CHLSN: variants seen among roughly 807,000 people sequenced by gnomAD.
CHLSN encodes cholesin.
chr7:986,798 G>T, the CHLSN span: 2 of 1,553,550 alleles, frequency 1.3e-6, no homozygotes, highest in Non-Finnish European at 1.7e-6. Context: ...GCAGGGACAG[G>T]TGTGTCGGGA....
chr7:1,070,848 A>G, the CHLSN span, among the ~76,000 whole-genome samples: 1 of 143,884 alleles, frequency 7.0e-6, no homozygotes, highest in East Asian at 2.0e-4. Context: ...CAACGCGTGC[A>G]CACGGACATG....
the CHLSN span, among the ~76,000 whole-genome samples, chr7:993,241 G>C: frequency 4.6e-4 from 70 of 152,328 alleles, no homozygotes; most frequent in East Asian, 0.012. Flanking sequence ...TGGAGAGAGC[G>C]CCCGTTCCCT....
At chr7:1,109,635 T>C in the CHLSN span, among the ~76,000 whole-genome samples, 1 of 152,178 alleles carries the variant, frequency 6.6e-6, no homozygotes, top group South Asian at 2.1e-4. Context: ...CACCTCTGCG[T>C]GGGCGACGGA....
chr7:1,093,326 T>A, the CHLSN span: 2 of 423,354 alleles, frequency 4.7e-6, no homozygotes, highest in African/African-American at 2.0e-5. Context: ...GGGTCTGAGC[T>A]GGACGTCGCG....
At chr7:988,607 C>T in the CHLSN span, 17 of 1,603,256 alleles carry the variant, frequency 1.1e-5, no homozygotes, top group African/African-American at 1.6e-4. Context: ...CTGGTGCAGC[C>T]CACTCTGTGC....
the CHLSN span, among the ~76,000 whole-genome samples, chr7:984,073 A>G: frequency 6.6e-6 from 1 of 152,186 alleles, no homozygotes; most frequent in African/African-American, 2.4e-5. Context: ...CACTCTGTGC[A>G]GACTCTGGCC....
At chr7:1,046,867 T>C in the CHLSN span, among the ~76,000 whole-genome samples, 1 of 152,202 alleles carries the variant, frequency 6.6e-6, no homozygotes, top group African/African-American at 2.4e-5. Context: ...AATAACCTGC[T>C]GGCTCCTCCC....
the CHLSN span, chr7:1,027,042 A>C: frequency 2.0e-5 from 3 of 152,226 alleles, no homozygotes; most frequent in Non-Finnish European, 4.4e-5. Flanking sequence ...AAGATGTTTG[A>C]GCAACGAGAA....
At chr7:1,053,325 C>T in the CHLSN span, among the ~76,000 whole-genome samples, 1 of 152,226 alleles carries the variant, frequency 6.6e-6, no homozygotes, top group Non-Finnish European at 1.5e-5. Context: ...GAGGGGCGTC[C>T]ACAGTAGAGC....
chr7:997,407 TCA>T, the CHLSN span: 1 of 512,956 alleles, frequency 1.9e-6, no homozygotes, highest in Non-Finnish European at 3.4e-6. Context: ...GCCATCACTG[TCA>T]CAGCCGTCAC....
the CHLSN span, among the ~76,000 whole-genome samples, chr7:1,048,803 T>C: frequency 6.6e-6 from 1 of 152,100 alleles, no homozygotes; most frequent in African/African-American, 2.4e-5. Flanking sequence ...GCTCCAGACA[T>C]TTTCACGAGT....
At chr7:1,107,669 G>A in the CHLSN span, among the ~76,000 whole-genome samples, 32 of 152,368 alleles carry the variant, frequency 2.1e-4, no homozygotes, top group African/African-American at 6.5e-4. Context: ...CTGTACCACC[G>A]TGACGTACAG....
chr7:1,083,501 G>A, the CHLSN span, among the ~76,000 whole-genome samples: 8 of 152,166 alleles, frequency 5.3e-5, no homozygotes, highest in East Asian at 7.7e-4. Flanking sequence ...GGTGGCAGAC[G>A]CCTGTAGTCC....
chr7:1,082,364 G>C, the CHLSN span: 1 of 152,348 alleles, frequency 6.6e-6, no homozygotes, highest in Non-Finnish European at 1.5e-5. Context: ...CGAGGTGCTT[G>C]TGAGGCACAT....
chr7:984,483 C>T, the CHLSN span: 8,264 of 1,551,894 alleles, frequency 5.3e-3, 342 homozygotes, highest in African/African-American at 0.094. Flanking sequence ...TGACGGGGTT[C>T]GAGGCGGTCA....
At chr7:1,016,302 C>G in the CHLSN span, among the ~76,000 whole-genome samples, 1 of 56,420 alleles carries the variant, frequency 1.8e-5, no homozygotes, top group Non-Finnish European at 3.0e-5. Context: ...CACGCCAGCA[C>G]ATAGCAGCAC....
At chr7:1,128,816 C>G in the CHLSN span, among the ~76,000 whole-genome samples, 1 of 8,690 alleles carries the variant, frequency 1.2e-4, no homozygotes, top group Non-Finnish European at 1.9e-4. Context: ...GGCGCCATCT[C>G]GGCTCATCCC....
At chr7:1,103,068 G>C in the CHLSN span, among the ~76,000 whole-genome samples, 1 of 152,200 alleles carries the variant, frequency 6.6e-6, no homozygotes, top group African/African-American at 2.4e-5. Context: ...TGCAGCGTGC[G>C]GGCCGGGGTC....
chr7:1,114,606 A>G, the CHLSN span, among the ~76,000 whole-genome samples: 2 of 152,256 alleles, frequency 1.3e-5, no homozygotes, highest in Non-Finnish European at 2.9e-5. Flanking sequence ...GCGGGGCCCA[A>G]GGGCTACCCC....
Sources: gnomAD v4.1 joint callset for allele counts (sites outside exome capture counted in the v4.1 genomes callset) on GRCh38, gnomAD v4.1.1 for gene constraint, MANE v1.5 for transcripts, NCBI Gene and HGNC (gene_info 2026-07-23, HGNC 2026-07-21) for gene names.